OR2L13: variants seen among roughly 807,000 people sequenced by gnomAD.
OR2L13 encodes olfactory receptor 2L13.
In OR2L13, 14 loss-of-function variants were observed where a neutral mutation model predicts 15.3. That is an observed-to-expected ratio of 0.91 (90% confidence interval 0.60 to 1.43). The LOEUF is 1.43. Ranked by LOEUF, OR2L13 falls within the 40% of genes most tolerant of loss-of-function variation. The probability of loss-of-function intolerance (pLI) is 0.00; values close to 1 mark genes in which losing one functional copy is unlikely to be tolerated. For synonymous variants in OR2L13, 152 were observed against 142.9 expected, an observed-to-expected ratio of 1.06 and a Z score of -0.45; for missense variants, 367 against 387.9, an observed-to-expected ratio of 0.95 and a Z score of 0.45.
chr1:247,978,173 G>A, the OR2L13 span, among the ~76,000 whole-genome samples: 4 of 152,170 alleles, frequency 2.6e-5, no homozygotes, highest in Admixed American at 2.0e-4. Flanking sequence ...TTTAAGAGCT[G>A]TAGCAATCAC....
the OR2L13 span, among the ~76,000 whole-genome samples, chr1:247,973,148 T>C: frequency 1.3e-5 from 2 of 152,178 alleles, no homozygotes; most frequent in African/African-American, 4.8e-5. Context: ...AAGCTATTTA[T>C]GACAAACACA....
the OR2L13 span, chr1:248,022,293 T>C: frequency 6.2e-7 from 1 of 1,614,170 alleles, no homozygotes; most frequent in Non-Finnish European, 8.5e-7. Flanking sequence ...GCTCCTGACA[T>C]CAATGGCCTA....
the OR2L13 span, among the ~76,000 whole-genome samples, chr1:247,993,385 G>A: frequency 7.0e-6 from 1 of 143,676 alleles, no homozygotes; most frequent in Non-Finnish European, 1.5e-5. Context: ...GTTTAATTAA[G>A]TGCCTCTTGT....
At chr1:247,962,755 A>G in the OR2L13 span, among the ~76,000 whole-genome samples, 3 of 152,186 alleles carry the variant, frequency 2.0e-5, no homozygotes, top group Non-Finnish European at 4.4e-5. Context: ...AAATCGCCAA[A>G]TTTAATTGTT....
chr1:248,031,171 T>A, the OR2L13 span, among the ~76,000 whole-genome samples: 1 of 152,206 alleles, frequency 6.6e-6, no homozygotes, highest in African/African-American at 2.4e-5. Flanking sequence ...GTATAATAAA[T>A]ATCCTCTTTG....
At chr1:247,944,186 T>A in the OR2L13 span, among the ~76,000 whole-genome samples, 1 of 152,148 alleles carries the variant, frequency 6.6e-6, no homozygotes, top group East Asian at 1.9e-4. Flanking sequence ...AAGATTCATA[T>A]AAATTTTAGG....
At chr1:248,061,573 G>T in the OR2L13 span, 18 of 1,613,492 alleles carry the variant, frequency 1.1e-5, no homozygotes, top group Admixed American at 2.8e-4. Context: ...GGAGGTGATG[G>T]GGGCCCTGAC....
At chr1:247,957,606 G>T in the OR2L13 span, among the ~76,000 whole-genome samples, 1 of 152,040 alleles carries the variant, frequency 6.6e-6, no homozygotes, top group African/African-American at 2.4e-5. Context: ...ATTAATTATT[G>T]CCTCAATTTC....
the OR2L13 span, among the ~76,000 whole-genome samples, chr1:248,059,873 G>C: frequency 6.6e-6 from 1 of 152,048 alleles, no homozygotes; most frequent in South Asian, 2.1e-4. Flanking sequence ...AAGACTTCAT[G>C]TCTACAAAAA....
the OR2L13 span, among the ~76,000 whole-genome samples, chr1:248,000,927 A>G: frequency 6.6e-6 from 1 of 152,032 alleles, no homozygotes; most frequent in Non-Finnish European, 1.5e-5. Context: ...GACTTAATAA[A>G]TTTAATTTTT....
At chr1:248,024,045 GTTTA>G in the OR2L13 span, 1 of 151,972 alleles carries the variant, frequency 6.6e-6, no homozygotes, top group Non-Finnish European at 1.5e-5. Flanking sequence ...AATTTTATTT[GTTTA>G]TTTTGTTTAT....
the OR2L13 span, among the ~76,000 whole-genome samples, chr1:247,968,850 G>A: frequency 2.0e-4 from 30 of 152,186 alleles, no homozygotes; most frequent in Admixed American, 4.6e-4. Flanking sequence ...AATCCTTTGG[G>A]TATATACCCA....
At chr1:248,063,870 C>T in the OR2L13 span, among the ~76,000 whole-genome samples, 2 of 152,154 alleles carry the variant, frequency 1.3e-5, no homozygotes. Context: ...TTGCCTTAGC[C>T]CCCTTGTGTA....
At chr1:248,085,436 T>TA in the OR2L13 span, among the ~76,000 whole-genome samples, 1 of 84,550 alleles carries the variant, frequency 1.2e-5, no homozygotes, top group African/African-American at 4.5e-5. Context: ...TAAAATAAAA[T>TA]AATAAAATAA....
At chr1:247,941,276 T>G in the OR2L13 span, among the ~76,000 whole-genome samples, 2 of 152,148 alleles carry the variant, frequency 1.3e-5, no homozygotes, top group East Asian at 3.9e-4. Context: ...TCAATTTTAT[T>G]TTGTTGCTGT....
the OR2L13 span, chr1:247,974,615 T>G: frequency 6.2e-6 from 1 of 161,920 alleles, no homozygotes; most frequent in South Asian, 1.7e-4. Context: ...ATAGTGTATA[T>G]GAGACTCAAT....
At chr1:248,095,978 T>C (rs963104140), upstream of OR2L13, among the ~76,000 whole-genome samples, 1 of 151,888 alleles carries the variant, frequency 6.6e-6, no homozygotes. Context: ...TATAACTGAA[T>C]TGAGTTGATT....
At chr1:247,965,145 G>C in the OR2L13 span, 3 of 481,324 alleles carry the variant, frequency 6.2e-6, no homozygotes, top group East Asian at 1.1e-4. Context: ...CTATACATTA[G>C]GTAATTCTTC....
the OR2L13 span, among the ~76,000 whole-genome samples, chr1:248,067,558 C>T: frequency 0.053 from 8,021 of 152,290 alleles, 707 homozygotes; most frequent in African/African-American, 0.18. Context: ...CAGCTCCCAG[C>T]GTGAGCGATG....
Sources: allele counts gnomAD v4.1 joint callset (sites outside exome capture counted in the v4.1 genomes callset), GRCh38; gene constraint gnomAD v4.1.1; transcripts MANE v1.5; gene names NCBI Gene and HGNC (gene_info 2026-07-23, HGNC 2026-07-21).